The following KDM4B variants were observed in gnomAD, a reference collection of about 807,000 sequenced individuals.
KDM4B encodes the protein lysine-specific demethylase 4B.
KDM4B carries 32 observed loss-of-function variants against 125.2 expected under a neutral mutation model. The observed-to-expected ratio is 0.26, with a 90% CI of 0.19 to 0.34. The LOEUF (loss-of-function observed/expected upper bound fraction) is 0.34, where lower values mean the gene tolerates loss of function less well. Among genes scored for constraint, KDM4B ranks in the 10% least tolerant of loss-of-function variants. KDM4B has a pLI of 1.00. For missense variants in KDM4B, 1,190 were observed against 1,577.7 expected (o/e 0.75, Z 4.16); for synonymous variants, 721 against 677.9 (o/e 1.06, Z -0.99).
At chr19:5,136,910 G>A (rs532260822) in intron 15 of KDM4B, among the ~76,000 whole-genome samples, 37 of 152,312 alleles carry the variant, frequency 2.4e-4, no homozygotes, top group Admixed American at 7.8e-4. Context: ...GACATAGCAG[G>A]AGGAGCTGCT....
chr19:5,146,594 C>T (rs2039849549), intron 21 of KDM4B, among the ~76,000 whole-genome samples: 1 of 152,166 alleles, frequency 6.6e-6, no homozygotes, highest in African/African-American at 2.4e-5. Context: ...AGAGAATAAT[C>T]CCTGCTCAGC....
rs988997406 is a variant in KDM4B, at chr19:5,131,016, C to T, written c.1316-60C>T. 80 of 1,253,738 alleles carry T rather than the reference C, an allele frequency of 6.4e-5. 1 individual carries two copies. Among genetic ancestry groups the T allele is most frequent in the South Asian group, 9.7e-5 (6 of 61,816 alleles). 77.7% of individuals were successfully genotyped at this position (1,253,738 alleles called of 1,614,324 possible). A position where few individuals can be genotyped will look rare whatever the true frequency, so the allele number is the denominator to read the frequency against. On this transcript the variant is annotated intron_variant, in intron 11 of 22. Transcript: ENST00000159111. Reference sequence around the variant, plus strand: ...TCAAAGTTGGGGGATTTCTGGGGAGCGTGGGACCAGCACTTGAGCCCGGGT... The same window carrying T: ...TCAAAGTTGGGGGATTTCTGGGGAGTGTGGGACCAGCACTTGAGCCCGGGT...
chr19:4,974,840 C>T (rs192045775), intron 1 of KDM4B, among the ~76,000 whole-genome samples: 3 of 152,102 alleles, frequency 2.0e-5, no homozygotes, highest in East Asian at 3.9e-4. Context: ...TTCCTGTTGC[C>T]CTTGGGAAAA....
intron 2 of KDM4B, among the ~76,000 whole-genome samples, chr19:5,029,770 T>C (rs2036392201): frequency 6.6e-6 from 1 of 152,236 alleles, no homozygotes; most frequent in South Asian, 2.1e-4. Flanking sequence ...GAGGCTGCAG[T>C]GAACCGTGAC....
intron 7 of KDM4B, chr19:5,076,790 C>A: frequency 6.4e-6 from 1 of 156,676 alleles, no homozygotes; most frequent in Non-Finnish European, 1.4e-5. Context: ...CGAGAGCGGC[C>A]ACGCTGCGTC....
At chr19:5,090,346 T>TTC (rs143957456) in intron 9 of KDM4B, among the ~76,000 whole-genome samples, 5 of 108,674 alleles carry the variant, frequency 4.6e-5, no homozygotes, top group South Asian at 3.4e-4. Context: ...AGTGGTAACG[T>TTC]TCTCTCTCTC....
chr19:5,128,421 C>T (rs765654976), intron 11 of KDM4B, among the ~76,000 whole-genome samples: 10 of 152,202 alleles, frequency 6.6e-5, no homozygotes, highest in South Asian at 6.2e-4. Context: ...CTTGGGAAGC[C>T]GGCCCAGCAG....
At chr19:5,102,839 G>C (rs1460816757) in intron 9 of KDM4B, among the ~76,000 whole-genome samples, 3 of 152,226 alleles carry the variant, frequency 2.0e-5, no homozygotes, top group Non-Finnish European at 2.9e-5. Context: ...TCTCAGAGCA[G>C]TGAAGAGCTC....
At chr19:5,063,897 C>A in intron 6 of KDM4B, among the ~76,000 whole-genome samples, 1 of 152,316 alleles carries the variant, frequency 6.6e-6, no homozygotes, top group Middle Eastern at 3.4e-3. Context: ...CACCCTGGCC[C>A]GGCTCGTCTT....
intron 2 of KDM4B, among the ~76,000 whole-genome samples, chr19:5,018,084 G>T (rs2035950038): frequency 6.6e-6 from 1 of 152,124 alleles, no homozygotes; most frequent in Non-Finnish European, 1.5e-5. Context: ...TGTCACCCAG[G>T]CTGGAGTGCA....
intron 6 of KDM4B, among the ~76,000 whole-genome samples, chr19:5,069,423 C>T (rs2037876769): frequency 6.6e-6 from 1 of 151,924 alleles, no homozygotes; most frequent in Admixed American, 6.6e-5. Context: ...AATTCTCCTG[C>T]CTCAGCCACC....
rs192237733 is a variant in KDM4B, at chr19:5,012,691, G to T, written c.-108-3566G>T. Among the ~76,000 whole-genome samples the T allele has an allele frequency of 1.6e-4, 24 of 152,334 alleles. 2 individuals carry two copies. In the East Asian group the frequency reaches 4.6e-3, roughly 29 times the overall value. On this transcript the variant is annotated intron_variant, in intron 1 of 22. Coordinates refer to ENST00000159111, the MANE Select transcript of KDM4B (RefSeq NM_015015.3). ...GGCTGGCACGCGGTGGAGGCTGTTGGGAGGACTTCAGAGGTAAGGGCTCTT... is the reference window on the plus strand; with the variant it reads ...GGCTGGCACGCGGTGGAGGCTGTTGTGAGGACTTCAGAGGTAAGGGCTCTT...
At chr19:5,016,909 A>C (rs2035909505) in intron 2 of KDM4B, among the ~76,000 whole-genome samples, 1 of 152,164 alleles carries the variant, frequency 6.6e-6, no homozygotes, top group Non-Finnish European at 1.5e-5. Context: ...TCAGGAGAAG[A>C]GAGAGAATGA....
chr19:4,993,008 G>A (rs2035076575), intron 1 of KDM4B, among the ~76,000 whole-genome samples: 1 of 152,178 alleles, frequency 6.6e-6, no homozygotes, highest in East Asian at 1.9e-4. Flanking sequence ...CCTGGAGAAT[G>A]TTCCATATGT....
At chr19:4,996,554 T>G (rs1286317757) in intron 1 of KDM4B, among the ~76,000 whole-genome samples, 1 of 151,970 alleles carries the variant, frequency 6.6e-6, no homozygotes, top group African/African-American at 2.4e-5. Context: ...TTTTTTTTTT[T>G]TAGTAGTGAC....
At chr19:5,095,530 G>T (rs900343304) in intron 9 of KDM4B, among the ~76,000 whole-genome samples, 4 of 152,254 alleles carry the variant, frequency 2.6e-5, no homozygotes, top group Non-Finnish European at 5.9e-5. Context: ...GGTGGCCAGG[G>T]TCCTGTGATG....
chr19:5,150,939 C>A (rs1285511106), intron 22 of KDM4B, among the ~76,000 whole-genome samples: 1 of 152,254 alleles, frequency 6.6e-6, no homozygotes, highest in Admixed American at 6.5e-5. Flanking sequence ...TTTCGCTCCC[C>A]CAGCCCTCAT....
rs1481212868 is a variant in KDM4B at position 5,142,528 on chromosome 19, G to T, written c.2551-1439G>T. ...CACGAGGCGGAAGGGGATGGTGCTG[G>T]GCACCAGCCTGCCCCGGGGCTGGGT... On this transcript the variant is annotated intron_variant, in intron 18 of 22. Transcript: ENST00000159111. The surrounding 1 kb of genome is among the most constrained non-coding windows in gnomAD (Gnocchi z 5.4). Among the ~76,000 whole-genome samples, 1 of 152,148 alleles carries T rather than the reference G, an allele frequency of 6.6e-6. No individual in the cohort carries two copies. Among genetic ancestry groups the T allele is most frequent in the Non-Finnish European group, 1.5e-5 (1 of 68,008 alleles).
At position 5,134,094 on chromosome 19, in the gene KDM4B, C is replaced by A. The variant is rs780445162; in HGVS notation, c.2085+33C>A. ...GGCGGGCCTCACGGGTCCCAGAGAACCCCAGGCAGGGGCGGTGGGAGAGGG... is the reference window on the plus strand; with the variant it reads ...GGCGGGCCTCACGGGTCCCAGAGAAACCCAGGCAGGGGCGGTGGGAGAGGG... On this transcript the variant is annotated intron_variant, in intron 14 of 22. Coordinates refer to ENST00000159111, the MANE Select transcript of KDM4B (RefSeq NM_015015.3). 1.9e-6 allele frequency: 3 copies of A among 1,556,484 alleles called. No individual in the cohort carries two copies. The African/African-American group carries it at 4.1e-5, about 21-fold the overall frequency.
Sources: gnomAD v4.1 joint callset for allele counts (sites outside exome capture counted in the v4.1 genomes callset) on GRCh38, gnomAD v4.1.1 for gene constraint, Gnocchi (gnomAD v3.1) non-coding constraint, MANE v1.5 for transcripts, NCBI Gene and HGNC (gene_info 2026-07-23, HGNC 2026-07-21) for gene names.